VAV3: variants seen among roughly 807,000 people sequenced by gnomAD.
VAV3 encodes the protein guanine nucleotide exchange factor VAV3.
In VAV3, 94 loss-of-function variants were observed where a neutral mutation model predicts 131.2. The ratio of observed to expected loss-of-function variants is 0.72; its 90% CI spans 0.61 to 0.85. The LOEUF (loss-of-function observed/expected upper bound fraction) is 0.85. Among genes scored for constraint, VAV3 ranks in the 40% least tolerant of loss-of-function variants. The probability of loss-of-function intolerance (pLI) is 0.00; values close to 1 mark genes in which losing one functional copy is unlikely to be tolerated. For synonymous variants in VAV3, 349 were observed against 342.0 expected, an observed-to-expected ratio of 1.02 and a Z score of -0.22; for missense variants, 939 against 1,002.7, an observed-to-expected ratio of 0.94 and a Z score of 0.86.
chr1:107,604,616 ATTG>A (rs1652129370), intron 22 of VAV3, among the ~76,000 whole-genome samples: 1 of 152,084 alleles, frequency 6.6e-6, no homozygotes, highest in African/African-American at 2.4e-5. Flanking sequence ...ATTCCTTCTC[ATTG>A]TTAAGGTTTA....
chr1:107,875,118 C>A, intron 1 of VAV3, 101 bp from the exon 2 acceptor site: 1 of 1,035,878 alleles, frequency 9.7e-7, no homozygotes, highest in Non-Finnish European at 1.5e-6. Flanking sequence ...AAGAAAGCAT[C>A]AAGCAGCCTT....
intron 18 of VAV3, chr1:107,685,689 T>G (rs1658966207): frequency 6.6e-6 from 1 of 152,160 alleles, no homozygotes; most frequent in South Asian, 2.1e-4. Flanking sequence ...TTGGAGAGGC[T>G]AAGATTTTTT....
At chr1:107,711,922 G>C (rs200729870) in intron 15 of VAV3, among the ~76,000 whole-genome samples, 2 of 152,112 alleles carry the variant, frequency 1.3e-5, no homozygotes, top group African/African-American at 4.8e-5. Flanking sequence ...CTGACCTCAG[G>C]TGATCTGCCC....
chr1:107,881,981 A>G (rs950927728), intron 1 of VAV3, among the ~76,000 whole-genome samples: 4 of 152,172 alleles, frequency 2.6e-5, no homozygotes, highest in Non-Finnish European at 4.4e-5. Context: ...CTATGTGTAA[A>G]AGCCATCTTG....
chr1:107,688,033 C>T lies in VAV3; in HGVS notation c.1731+348G>A, dbSNP rs17229668. Among the ~76,000 whole-genome samples the T allele has an allele frequency of 2.9e-3, 449 of 152,274 alleles. 2 individuals are homozygous for T. Among genetic ancestry groups the T allele is most frequent in the Non-Finnish European group, 5.1e-3 (345 of 68,018 alleles). ...CTAATTCTACGGAATTTCAGTAATT[C>T]GGCAAATGTCGGGCAGTGACACAAC... is the stretch of plus-strand genomic sequence containing the variant. On this transcript the variant is annotated intron_variant, in intron 18 of 26. Transcript: ENST00000370056.
intron 17 of VAV3, among the ~76,000 whole-genome samples, chr1:107,698,087 C>A (rs1243207152): frequency 6.6e-6 from 1 of 152,142 alleles, no homozygotes; most frequent in Admixed American, 6.5e-5. Flanking sequence ...TTCTCTGTGC[C>A]TTGGTTTCTC....
intron 1 of VAV3, among the ~76,000 whole-genome samples, chr1:107,920,756 T>C (rs898028796): frequency 6.6e-6 from 1 of 152,184 alleles, no homozygotes; most frequent in East Asian, 1.9e-4. Context: ...CCTACTGAAT[T>C]TCCTAGAACC....
chr1:107,871,926 C>G (rs1205570807), intron 2 of VAV3, among the ~76,000 whole-genome samples: 1 of 152,182 alleles, frequency 6.6e-6, no homozygotes, highest in African/African-American at 2.4e-5. Flanking sequence ...ACTTTAACCA[C>G]CACTGGGCTG....
chr1:107,753,389 T>A (rs767515676), intron 12 of VAV3, among the ~76,000 whole-genome samples: 1 of 151,422 alleles, frequency 6.6e-6, no homozygotes, highest in Non-Finnish European at 1.5e-5. Flanking sequence ...TCACACAACA[T>A]CATGAATGCA....
intron 1 of VAV3, among the ~76,000 whole-genome samples, chr1:107,935,043 G>T (rs905503579): frequency 1.3e-5 from 2 of 152,078 alleles, no homozygotes; most frequent in African/African-American, 4.8e-5. Flanking sequence ...CAGATTACGC[G>T]AACTGATGGG....
intron 19 of VAV3, among the ~76,000 whole-genome samples, chr1:107,676,800 T>C (rs1426574579): frequency 2.0e-5 from 3 of 152,134 alleles, no homozygotes; most frequent in African/African-American, 4.8e-5. Context: ...TCCTTCAGTT[T>C]GCAAAAAATT....
intron 20 of VAV3, among the ~76,000 whole-genome samples, chr1:107,630,348 A>AGGATGGAT (rs112495050): frequency 0.14 from 21,585 of 150,690 alleles, 1,638 homozygotes; most frequent in Non-Finnish European, 0.17. Flanking sequence ...AATGGATGGG[A>AGGATGGAT]GGATGGATGG....
Position 107,751,188 on chromosome 1 carries a change from C to G in VAV3, c.1188G>C (p.Leu396Phe). ...CATCTCCCTGAGGTCGTCCAAAAAG[C>G]AAAACTGGTTGGTTCTAAAATATAA... ...LSIENLNQPV[L>F]LFGRPQGDGE... Residue 396 changes from leucine (L) to phenylalanine (F), a missense_variant, in exon 13 of 27, where the codon TTG becomes TTC. Transcript: ENST00000370056. 6.2e-7 allele frequency: 1 copy of G among 1,612,324 alleles called. No individual in the cohort carries two copies. Among genetic ancestry groups the G allele is most frequent in the South Asian group, 1.1e-5 (1 of 90,632 alleles).
chr1:107,911,468 G>C (rs1270689248), intron 1 of VAV3, among the ~76,000 whole-genome samples: 1 of 152,148 alleles, frequency 6.6e-6, no homozygotes, highest in African/African-American at 2.4e-5. Context: ...ACTGGAGGCA[G>C]ATAAATTTTG....
intron 1 of VAV3, among the ~76,000 whole-genome samples, chr1:107,899,315 TA>T (rs2101083388): frequency 6.6e-6 from 1 of 152,310 alleles, no homozygotes; most frequent in East Asian, 1.9e-4. Flanking sequence ...CCAACAGCGG[TA>T]AGCGGCCATC....
rs147813582 is a variant in VAV3 at position 107,574,140 on chromosome 1, A to G, written c.2409T>C (p.Asp803=). The part of the protein sequence containing the change: ...AIARYDFCAR[D]MRELSLLKGD... ...CTTTCAACAAGGACAACTCTCTCAT[A>G]TCTCTTGCACAGAAGTCATACCGAG... The change falls in exon 26 of 27, where the codon GAT becomes GAC. Residue 803 remains aspartate (D), a synonymous_variant. Transcript: ENST00000370056. 7 of 1,613,946 alleles carry G rather than the reference A, an allele frequency of 4.3e-6. No homozygotes were observed. The highest frequency in any genetic ancestry group is 5.1e-6 in the Non-Finnish European group (6 of 1,180,002).
At chr1:107,795,482 T>A (rs543644691) in intron 2 of VAV3, among the ~76,000 whole-genome samples, 1 of 152,206 alleles carries the variant, frequency 6.6e-6, no homozygotes, top group Non-Finnish European at 1.5e-5. Context: ...TTTGGTACTA[T>A]TGTCTGTTTT....
At chr1:107,698,296 C>T (rs556135436) in intron 17 of VAV3, among the ~76,000 whole-genome samples, 1 of 152,180 alleles carries the variant, frequency 6.6e-6, no homozygotes, top group Non-Finnish European at 1.5e-5. Context: ...GGGCGAGCAA[C>T]ATGCCCAATG....
chr1:107,913,634 ATC>A (rs530441547), intron 1 of VAV3, among the ~76,000 whole-genome samples: 1 of 152,154 alleles, frequency 6.6e-6, no homozygotes, highest in Admixed American at 6.5e-5. Context: ...ACACAAAATA[ATC>A]TCTCTTTCTC....
Sources: gnomAD v4.1 joint callset for allele counts (sites outside exome capture counted in the v4.1 genomes callset) on GRCh38, gnomAD v4.1.1 for gene constraint, MANE v1.5 for transcripts, NCBI Gene and HGNC (gene_info 2026-07-23, HGNC 2026-07-21) for gene names.